The following CYB5R3 variants were observed in gnomAD, a reference collection of about 807,000 sequenced individuals.
CYB5R3 encodes cytochrome b5 reductase 3, also known as NADH-cytochrome b5 reductase 3.
In CYB5R3, 28 loss-of-function variants were observed where a neutral mutation model predicts 36.5. The ratio of observed to expected loss-of-function variants is 0.77; its 90% CI spans 0.57 to 1.05. The LOEUF (loss-of-function observed/expected upper bound fraction) is 1.05, where lower values mean the gene tolerates loss of function less well. Ranked by LOEUF, CYB5R3 falls within the 50% of genes least tolerant of loss-of-function variation. CYB5R3 has a pLI of 0.00. For missense variants in CYB5R3, 474 were observed against 408.9 expected (o/e 1.16, Z -1.37); for synonymous variants, 181 against 159.8 (o/e 1.13, Z -1.00).
chr22:42,641,187 G>A (rs1929253571), intron 1 of CYB5R3, among the ~76,000 whole-genome samples: 1 of 151,956 alleles, frequency 6.6e-6, no homozygotes, highest in Non-Finnish European at 1.5e-5. Context: ...GTTTTCTCTA[G>A]CTTACTTTAC....
At chr22:42,625,626 A>G (rs1235744252) in intron 7 of CYB5R3, among the ~76,000 whole-genome samples, 1 of 152,014 alleles carries the variant, frequency 6.6e-6, no homozygotes, top group Non-Finnish European at 1.5e-5. Context: ...AGATGAACAG[A>G]GGGATGGAAC....
chr22:42,626,767 A>G (rs1262964363), intron 7 of CYB5R3, among the ~76,000 whole-genome samples: 2 of 152,200 alleles, frequency 1.3e-5, no homozygotes, highest in Non-Finnish European at 2.9e-5. Context: ...CTCATTCTAC[A>G]GATGAGGGAG....
At chr22:42,620,063 CA>C in intron 8 of CYB5R3, 118 bp from the exon 9 acceptor site, 1 of 1,022,402 alleles carries the variant, frequency 9.8e-7, no homozygotes, top group African/African-American at 1.6e-5. Flanking sequence ...CTGATCCCAG[CA>C]AACTGTCACC....
At chr22:42,630,019 C>CT (rs1683462617) in intron 4 of CYB5R3, among the ~76,000 whole-genome samples, 1 of 152,160 alleles carries the variant, frequency 6.6e-6, no homozygotes, top group Non-Finnish European at 1.5e-5. Flanking sequence ...AGGCTGGTCT[C>CT]TAACTCCTGA....
intron 6 of CYB5R3, 48 bp downstream of exon 6, chr22:42,627,557 C>T (rs200901720): frequency 4.1e-5 from 64 of 1,569,358 alleles, no homozygotes; most frequent in South Asian, 2.4e-4. Flanking sequence ...ACCCCAACCC[C>T]ACCCTTAACA....
At chr22:42,632,527 G>A (rs978079948) in intron 2 of CYB5R3, 1 of 152,362 alleles carries the variant, frequency 6.6e-6, no homozygotes, top group Non-Finnish European at 1.5e-5. Flanking sequence ...AGGAAAGACG[G>A]TGCAAACGCC....
chr22:42,638,727 A>AT (rs1491423764), intron 1 of CYB5R3, among the ~76,000 whole-genome samples: 6 of 79,364 alleles, frequency 7.6e-5, no homozygotes, highest in Admixed American at 1.3e-4. Flanking sequence ...GCAAGACTCC[A>AT]TAAAAAAAAA....
chr22:42,647,971 G>A (rs1434822263), intron 1 of CYB5R3, among the ~76,000 whole-genome samples: 1 of 152,214 alleles, frequency 6.6e-6, no homozygotes, highest in Admixed American at 6.5e-5. Flanking sequence ...AAAACAGCAG[G>A]GAAGGGTTGG....
chr22:42,635,912 A>G (rs534512240), intron 2 of CYB5R3, among the ~76,000 whole-genome samples: 3 of 152,156 alleles, frequency 2.0e-5, no homozygotes, highest in Non-Finnish European at 4.4e-5. Context: ...TCATAATCAG[A>G]GCTTTGAAAA....
At chr22:42,634,443 CTTTTTA>C (rs1928775700) in intron 2 of CYB5R3, among the ~76,000 whole-genome samples, 1 of 151,702 alleles carries the variant, frequency 6.6e-6, no homozygotes, top group Non-Finnish European at 1.5e-5. Context: ...CTTTTTTTTG[CTTTTTA>C]TTTTTTATTT....
chr22:42,646,776 G>A (rs1173441730), intron 1 of CYB5R3: 1 of 986,612 alleles, frequency 1.0e-6, no homozygotes, highest in South Asian at 4.7e-5. Flanking sequence ...GCTGGGAACT[G>A]TGGGGGAAGG....
rs137136 is a variant in CYB5R3, at chr22:42,627,521, G to A, written c.547+84C>T. On this transcript the variant is annotated intron_variant, in intron 6 of 8. Transcript: ENST00000352397. ...GCCCCTGACCTCTGGTAGCTCCCAG[G>A]CACTCAGAACCTGCGCCTCACCCAC... The A allele has an allele frequency of 0.084, 123,975 of 1,473,800 alleles. 13,711 individuals are homozygous for A. Among genetic ancestry groups the A allele is most frequent in the East Asian group, 0.65 (28,536 of 43,778 alleles). The allele number at this position is 1,473,800 out of a possible 1,614,324, so 91.3% of individuals were successfully genotyped here. A position where few individuals can be genotyped will look rare whatever the true frequency, so the allele number is the denominator to read the frequency against.
intron 1 of CYB5R3, 177 bp from the exon 2 acceptor site, chr22:42,637,023 T>C: frequency 1.3e-6 from 1 of 785,166 alleles, no homozygotes; most frequent in Admixed American, 2.1e-5. Flanking sequence ...GGAGAAGCTA[T>C]AAAGACCAGC....
chr22:42,640,318 G>A, intron 1 of CYB5R3: 1 of 1,496,276 alleles, frequency 6.7e-7, no homozygotes, highest in Non-Finnish European at 9.0e-7. Flanking sequence ...GCCAGCTGAA[G>A]GTCACCCCCC....
intron 4 of CYB5R3, among the ~76,000 whole-genome samples, chr22:42,629,334 T>C (rs1569320156): frequency 6.6e-6 from 1 of 151,980 alleles, no homozygotes; most frequent in East Asian, 1.9e-4. Context: ...CACCTGAAGC[T>C]CCTTTTCTTC....
intron 1 of CYB5R3, chr22:42,644,370 G>A (rs1433870147): frequency 1.4e-6 from 1 of 705,630 alleles, no homozygotes; most frequent in Non-Finnish European, 2.6e-6. Flanking sequence ...CCCTCTCTAT[G>A]GCCCCAACTC....
At chr22:42,649,216 GC>G in intron 1 of CYB5R3, 78 bp downstream of exon 1, 1 of 653,712 alleles carries the variant, frequency 1.5e-6, no homozygotes, top group South Asian at 3.9e-5. Context: ...GTCACCTCCC[GC>G]AGGCCAGCCC....
chr22:42,646,832 C>T lies in CYB5R3; in HGVS notation c.21+2463G>A, dbSNP rs983169983. ...GTGGACACAGAGCTGGGATCTGGGC[C>T]GCAGAGTAAGCATGGGGCTGCCAGG... On this transcript the variant is annotated intron_variant, in intron 1 of 8. Transcript: ENST00000352397. The T allele has an allele frequency of 1.5e-5, 15 of 985,442 alleles. No individual in the cohort carries two copies. The Admixed American group carries it at 2.5e-4, about 16-fold the overall frequency. 61.0% of individuals were successfully genotyped at this position (985,442 alleles called of 1,614,324 possible).
At chr22:42,626,347 T>C (rs1928266306) in intron 7 of CYB5R3, among the ~76,000 whole-genome samples, 1 of 152,146 alleles carries the variant, frequency 6.6e-6, no homozygotes, top group South Asian at 2.1e-4. Flanking sequence ...GTTTGCATCC[T>C]GGTTTCAGCA....
Sources: gnomAD v4.1 joint callset for allele counts (sites outside exome capture counted in the v4.1 genomes callset) on GRCh38, gnomAD v4.1.1 for gene constraint, MANE v1.5 for transcripts, NCBI Gene and HGNC (gene_info 2026-07-23, HGNC 2026-07-21) for gene names.